Variants in CGAS observed in about 807,000 individuals in gnomAD.
The protein encoded by CGAS is 2'3'-cGAMP synthase.
A neutral mutation model predicts 34.0 loss-of-function variants in CGAS; 31 were observed. The ratio of observed to expected loss-of-function variants is 0.91; its 90% CI spans 0.69 to 1.23. The LOEUF is 1.23. Ranked by LOEUF, CGAS falls within the 50% of genes most tolerant of loss-of-function variation. CGAS has a pLI of 0.00. For synonymous variants in CGAS, 266 were observed against 260.0 expected (o/e 1.02, Z -0.22); for missense variants, 597 against 657.6 (o/e 0.91, Z 1.01).
intron 3 of CGAS, among the ~76,000 whole-genome samples, chr6:73,429,694 C>T (rs944523941): frequency 3.3e-4 from 50 of 152,046 alleles, no homozygotes; most frequent in South Asian, 8.3e-4. Flanking sequence ...GGCGTGGTGG[C>T]GGGCGCCTGT....
intron 4 of CGAS, among the ~76,000 whole-genome samples, chr6:73,427,626 A>G (rs891734244): frequency 3.9e-5 from 6 of 151,960 alleles, no homozygotes; most frequent in Non-Finnish European, 7.4e-5. Context: ...TAGAAACTCA[A>G]ATGAACAATT....
intron 3 of CGAS, among the ~76,000 whole-genome samples, chr6:73,429,601 C>T (rs546816199): frequency 2.4e-4 from 36 of 151,940 alleles, no homozygotes; most frequent in East Asian, 7.8e-4. Flanking sequence ...CCAAGGTGGG[C>T]GGATCACAAG....
Position 73,441,058 on chromosome 6 carries a change from C to A in CGAS, c.878-613G>T, listed in dbSNP as rs933354670. Among the ~76,000 whole-genome samples, 5 of 150,432 alleles carry A rather than the reference C, an allele frequency of 3.3e-5. No homozygotes were observed. The South Asian group carries it at 1.0e-3, about 32-fold the overall frequency. On this transcript the variant is annotated intron_variant, in intron 2 of 4. Transcript: ENST00000370315. ...TGATTAAATTTTCTTCTTTTCTTTT[C>A]TTTTCTTTTTTCTTTTTCTTTTTCT...
chr6:73,438,506 G>A (rs1269997296), intron 3 of CGAS, among the ~76,000 whole-genome samples: 1 of 151,988 alleles, frequency 6.6e-6, no homozygotes, highest in Non-Finnish European at 1.5e-5. Context: ...GACCATCCTG[G>A]CCAACATAAT....
chr6:73,451,650 C>T lies in CGAS; in HGVS notation c.532G>A (p.Asp178Asn). Residue 178 changes from aspartate to asparagine, a missense_variant, in exon 1 of 5, where the codon GAT becomes AAT. By Grantham distance (23) the Asp-to-Asn change is conservative. Transcript: ENST00000370315. ...ACCATCCCCGCCGCCGTGGAGATATCATCGCGGCTGAGCTTCAACTTCTCC... is the reference window on the plus strand; with the variant it reads ...ACCATCCCCGCCGCCGTGGAGATATTATCGCGGCTGAGCTTCAACTTCTCC... ...VLEKLKLSRD[D>N]ISTAAGMVKG... is the part of the protein sequence containing the mutation. 2 of 1,614,138 alleles carry T rather than the reference C, an allele frequency of 1.2e-6. No homozygotes were observed. The highest frequency in any genetic ancestry group is 1.7e-6 in the Non-Finnish European group (2 of 1,180,006).
chr6:73,437,731 T>A (rs944328526), intron 3 of CGAS, among the ~76,000 whole-genome samples: 16 of 152,186 alleles, frequency 1.1e-4, no homozygotes, highest in African/African-American at 3.6e-4. Flanking sequence ...AAAACTAGTA[T>A]TATTTTGCAA....
chr6:73,442,074 T>C (rs1770389003), intron 2 of CGAS, among the ~76,000 whole-genome samples: 1 of 152,114 alleles, frequency 6.6e-6, no homozygotes, highest in South Asian at 2.1e-4. Flanking sequence ...GGTTTCACCA[T>C]GTTGGCCAGG....
At chr6:73,435,525 T>C (rs1770267393) in intron 3 of CGAS, among the ~76,000 whole-genome samples, 1 of 152,180 alleles carries the variant, frequency 6.6e-6, no homozygotes, top group Non-Finnish European at 1.5e-5. Flanking sequence ...GTGTTTTCTC[T>C]ATATAGAGGT....
At position 73,428,691 on chromosome 6, in the gene CGAS, A is replaced by G. The variant is rs1255049627; in HGVS notation, c.1217+18T>C. The G allele has an allele frequency of 1.2e-6, 2 of 1,600,722 alleles. No individual in the cohort carries two copies. Among genetic ancestry groups the G allele is most frequent in the Non-Finnish European group, 1.7e-6 (2 of 1,172,548 alleles). Reference sequence around the variant, plus strand: ...CATACCATAGATAATCTGTCATTTAACAAAATAAGGCTGTTACCTGCAACA... The same window carrying G: ...CATACCATAGATAATCTGTCATTTAGCAAAATAAGGCTGTTACCTGCAACA... On this transcript the variant is annotated intron_variant, in intron 4 of 4. Coordinates refer to ENST00000370315, the MANE Select transcript of CGAS (RefSeq NM_138441.3).
In CGAS at chr6:73,452,003, C is replaced by G; in HGVS notation, c.179G>C (p.Arg60Pro). 6.8e-7 allele frequency: 1 copy of G among 1,477,900 alleles called. No homozygotes were observed. The highest frequency in any genetic ancestry group is 1.4e-5 in the South Asian group (1 of 73,632). 91.5% of individuals were successfully genotyped at this position (1,477,900 alleles called of 1,614,324 possible). Residue 60 changes from arginine to proline, a missense_variant, in exon 1 of 5, where the codon CGG (arginine) becomes CCG (proline). Transcript: ENST00000370315. ...KFGPARKSGS[R>P]QKKSAPDTQE... ...GGTGTCCGGGGCGCTCTTTTTCTGC[C>G]GGGATCCCGACTTCCTGGCGGGGCC... is the stretch of plus-strand genomic sequence containing the variant.
At chr6:73,441,987 C>T (rs377699559) in intron 2 of CGAS, among the ~76,000 whole-genome samples, 1 of 152,152 alleles carries the variant, frequency 6.6e-6, no homozygotes, top group Non-Finnish European at 1.5e-5. Context: ...ATTCTCCTGC[C>T]TCAACCTCCT....
intron 4 of CGAS, among the ~76,000 whole-genome samples, chr6:73,426,608 C>T (rs1476414065): frequency 6.7e-6 from 1 of 149,984 alleles, no homozygotes; most frequent in Admixed American, 6.7e-5. Flanking sequence ...AACCTCTGAC[C>T]CTCCCCTCAC....
At chr6:73,440,725 A>T (rs1770363419) in intron 2 of CGAS, among the ~76,000 whole-genome samples, 1 of 152,088 alleles carries the variant, frequency 6.6e-6, no homozygotes, top group African/African-American at 2.4e-5. Context: ...AACATGGTGG[A>T]ACCCCATCTC....
intron 3 of CGAS, among the ~76,000 whole-genome samples, chr6:73,431,224 A>G (rs1770191607): frequency 6.6e-6 from 1 of 152,118 alleles, no homozygotes. Flanking sequence ...TAATCCCAGC[A>G]CTTTGGGAGG....
chr6:73,451,588 CTT>C lies in CGAS; in HGVS notation c.592_593del (p.Lys198ValfsTer18). ...CGACGCCTCTGAACGCGGAGTCGCA[CTT>C]CAGTCTGAGCAGCAGGTGGTCCACA... is the stretch of plus-strand genomic sequence containing the variant. Reference protein sequence around the residue: ...GVVDHLLLRLKCDSAFRGVGL... With the variant: ...GVVDHLLLRLXCDSAFRGVGL... On this transcript the variant is annotated frameshift_variant, in exon 1 of 5. Transcript: ENST00000370315. LOFTEE classifies it high-confidence loss of function. 1.2e-6 allele frequency: 2 copies of C among 1,613,564 alleles called. No homozygotes were observed. The highest frequency in any genetic ancestry group is 1.7e-6 in the Non-Finnish European group (2 of 1,179,800).
At chr6:73,448,061 A>G (rs892806830) in intron 1 of CGAS, among the ~76,000 whole-genome samples, 5 of 152,194 alleles carry the variant, frequency 3.3e-5, no homozygotes, top group East Asian at 3.9e-4. Context: ...ATGTTGCTGT[A>G]GTTTGTTCCT....
chr6:73,444,113 C>A (rs1770428507), intron 2 of CGAS, among the ~76,000 whole-genome samples: 1 of 152,028 alleles, frequency 6.6e-6, no homozygotes, highest in South Asian at 2.1e-4. Context: ...CCTCAGCCTC[C>A]CGAGTAGCTG....
chr6:73,431,808 T>C (rs1448906062), intron 3 of CGAS, among the ~76,000 whole-genome samples: 2 of 152,150 alleles, frequency 1.3e-5, no homozygotes, highest in Non-Finnish European at 1.5e-5. Flanking sequence ...TAATACTGAA[T>C]AGGTGTTTGA....
chr6:73,434,618 C>T (rs1422079288), intron 3 of CGAS, among the ~76,000 whole-genome samples: 1 of 151,666 alleles, frequency 6.6e-6, no homozygotes, highest in Non-Finnish European at 1.5e-5. Context: ...AGTAAAAGGA[C>T]ATTAAGAAAA....
Sources: gnomAD v4.1 joint callset for allele counts (sites outside exome capture counted in the v4.1 genomes callset) on GRCh38, gnomAD v4.1.1 for gene constraint, MANE v1.5 for transcripts, NCBI Gene and HGNC (gene_info 2026-07-23, HGNC 2026-07-21) for gene names.